Variants in KSR2 observed in about 807,000 individuals in gnomAD.
The protein encoded by KSR2 is kinase suppressor of ras 2.
KSR2 carries 25 observed loss-of-function variants against 107.8 expected under a neutral mutation model. The ratio of observed to expected loss-of-function variants is 0.23; its 90% CI spans 0.17 to 0.32. The LOEUF is 0.32. Ranked by LOEUF, KSR2 falls within the 10% of genes least tolerant of loss-of-function variation. The probability of loss-of-function intolerance (pLI) is 1.00; values close to 1 mark genes in which losing one functional copy is unlikely to be tolerated. For synonymous variants in KSR2, 480 were observed against 507.0 expected, an observed-to-expected ratio of 0.95 and a Z score of 0.71; for missense variants, 887 against 1,268.9, an observed-to-expected ratio of 0.70 and a Z score of 4.57.
At chr12:117,719,222 C>T (rs372072710) in intron 4 of KSR2, among the ~76,000 whole-genome samples, 5 of 152,116 alleles carry the variant, frequency 3.3e-5, no homozygotes, top group African/African-American at 7.2e-5. Context: ...GTCTTTCCCC[C>T]CCTCCACCCC....
chr12:117,911,963 A>G (rs1895030488), intron 1 of KSR2, among the ~76,000 whole-genome samples: 1 of 152,220 alleles, frequency 6.6e-6, no homozygotes, highest in Non-Finnish European at 1.5e-5. Context: ...GCTATCTCCA[A>G]AGGACGTGAA....
intron 2 of KSR2, among the ~76,000 whole-genome samples, chr12:117,857,577 A>C (rs1893144399): frequency 6.6e-6 from 1 of 152,244 alleles, no homozygotes; most frequent in Non-Finnish European, 1.5e-5. Context: ...AACCTGGGCC[A>C]AAAGGGCAGA....
At chr12:117,509,231 G>T (rs1873887122) in intron 14 of KSR2, among the ~76,000 whole-genome samples, 2 of 152,128 alleles carry the variant, frequency 1.3e-5, no homozygotes, top group Admixed American at 6.5e-5. Context: ...GTCACACAGT[G>T]GTAGAAGAAG....
chr12:117,740,371 GAT>G (rs1305057374), intron 4 of KSR2, among the ~76,000 whole-genome samples: 4 of 132,352 alleles, frequency 3.0e-5, no homozygotes, highest in Admixed American at 2.5e-4. Flanking sequence ...ATATATATTA[GAT>G]ATGTTATATA....
At chr12:117,930,598 C>T (rs1895667530) in intron 1 of KSR2, among the ~76,000 whole-genome samples, 1 of 152,106 alleles carries the variant, frequency 6.6e-6, no homozygotes, top group Non-Finnish European at 1.5e-5. Context: ...ACTAAATTCT[C>T]GCTGTAGTTA....
In KSR2 at chr12:117,968,521, A is replaced by G; in HGVS notation, c.-266T>C. 1 of 1,233,288 alleles carries G rather than the reference A, an allele frequency of 8.1e-7. No homozygotes were observed. The highest frequency in any genetic ancestry group is 3.5e-5 in the East Asian group (1 of 28,872). The allele number at this position is 1,233,288 out of a possible 1,614,324, so 76.4% of individuals were successfully genotyped here. On this transcript the variant is annotated 5_prime_UTR_variant, in exon 1 of 20. Transcript: ENST00000339824. The stretch of plus-strand genomic sequence containing the variant: ...CTCTCTGAGTCTCTGGTCCCTGAAA[A>G]GGAGAGATGCTGTTTCTCAGAAGCA...
At chr12:117,906,922 G>A (rs974012691) in intron 1 of KSR2, among the ~76,000 whole-genome samples, 4 of 151,906 alleles carry the variant, frequency 2.6e-5, no homozygotes, top group Non-Finnish European at 4.4e-5. Context: ...AAGTGGCTGA[G>A]GCAGGAGGAT....
At chr12:117,538,317 T>C (rs1283688220) in intron 10 of KSR2, among the ~76,000 whole-genome samples, 1 of 152,160 alleles carries the variant, frequency 6.6e-6, no homozygotes, top group East Asian at 1.9e-4. Flanking sequence ...AGACTTGAAC[T>C]TAACAAAAAA....
At chr12:117,656,924 A>G (rs1884180314) in intron 5 of KSR2, among the ~76,000 whole-genome samples, 1 of 122,032 alleles carries the variant, frequency 8.2e-6, no homozygotes, top group Admixed American at 9.6e-5. Flanking sequence ...GTGTGTGTGT[A>G]TACATATATA....
chr12:117,501,187 A>G (rs567279985), intron 14 of KSR2, among the ~76,000 whole-genome samples: 3 of 152,388 alleles, frequency 2.0e-5, no homozygotes, highest in East Asian at 3.9e-4. Flanking sequence ...CAGTGTTCAT[A>G]GTAAAGTTTG....
At position 117,603,831 on chromosome 12, in the gene KSR2, C is replaced by T. The variant is rs371300503; in HGVS notation, c.1172-21472G>A. Among the ~76,000 whole-genome samples the T allele has an allele frequency of 2.6e-5, 4 of 152,336 alleles. 1 individual carries two copies. Among genetic ancestry groups the T allele is most frequent in the African/African-American group, 9.6e-5 (4 of 41,584 alleles). ...ACGCCTCATTAAAACTCCTGGCTTG[C>T]TAACTGTCTTAGGCTTTCTTCCCTA... On this transcript the variant is annotated intron_variant, in intron 5 of 19. Coordinates refer to ENST00000339824, the MANE Select transcript of KSR2 (RefSeq NM_173598.6).
chr12:117,899,795 A>T (rs577776213), intron 1 of KSR2, among the ~76,000 whole-genome samples: 2 of 152,352 alleles, frequency 1.3e-5, no homozygotes, highest in East Asian at 3.9e-4. Flanking sequence ...ATTGGAGAGA[A>T]AGATTTTCTT....
chr12:117,766,277 T>G (rs1490317404), intron 3 of KSR2, among the ~76,000 whole-genome samples: 1 of 152,172 alleles, frequency 6.6e-6, no homozygotes, highest in African/African-American at 2.4e-5. Context: ...CTATGCTAAG[T>G]AAAAGAAGTC....
At position 117,960,690 on chromosome 12, in the gene KSR2, G is replaced by C. The variant is rs1447123143; in HGVS notation, c.180+7386C>G. ...TCTGAGCAAATGATGATTGTTTTAA[G>C]CTACTAAGTTTTGAGGTAGGTTGTT... On this transcript the variant is annotated intron_variant, in intron 1 of 19. Coordinates refer to ENST00000339824, the MANE Select transcript of KSR2 (RefSeq NM_173598.6). 1.3e-5 allele frequency among the ~76,000 whole-genome samples: 2 copies of C among 152,130 alleles called. 1 individual carries two copies. Among genetic ancestry groups the C allele is most frequent in the Non-Finnish European group, 2.9e-5 (2 of 68,024 alleles).
intron 5 of KSR2, among the ~76,000 whole-genome samples, chr12:117,659,827 T>C (rs149039202): frequency 2.6e-5 from 4 of 152,330 alleles, no homozygotes; most frequent in African/African-American, 9.6e-5. Flanking sequence ...AACATGAGCT[T>C]ATACAGTGTC....
chr12:117,814,043 T>A (rs1210726537), intron 3 of KSR2, among the ~76,000 whole-genome samples: 1 of 152,164 alleles, frequency 6.6e-6, no homozygotes, highest in African/African-American at 2.4e-5. Context: ...ATGTTCTCAC[T>A]TATAGGTGGA....
chr12:117,875,691 A>G (rs996924533), intron 1 of KSR2, among the ~76,000 whole-genome samples: 1 of 152,054 alleles, frequency 6.6e-6, no homozygotes, highest in Non-Finnish European at 1.5e-5. Context: ...CACCGGCGAG[A>G]GCTCTTCTGT....
chr12:117,569,998 T>C (rs926279102), intron 7 of KSR2, among the ~76,000 whole-genome samples: 9 of 150,848 alleles, frequency 6.0e-5, no homozygotes, highest in African/African-American at 2.2e-4. Flanking sequence ...TGGCAATGTC[T>C]GCAGACTTTT....
At chr12:117,856,177 T>G (rs1893096229) in intron 2 of KSR2, among the ~76,000 whole-genome samples, 1 of 152,212 alleles carries the variant, frequency 6.6e-6, no homozygotes, top group Admixed American at 6.5e-5. Flanking sequence ...GGCATGGCTT[T>G]GCATCCTAAG....
Sources: allele counts gnomAD v4.1 joint callset (sites outside exome capture counted in the v4.1 genomes callset), GRCh38; gene constraint gnomAD v4.1.1; transcripts MANE v1.5; gene names NCBI Gene and HGNC (gene_info 2026-07-23, HGNC 2026-07-21).